ZNF292: variants seen among roughly 807,000 people sequenced by gnomAD.
ZNF292 encodes the protein zinc finger protein 292, also known as 16 zinc-finger domain protein.
In ZNF292, 26 loss-of-function variants were observed where a neutral mutation model predicts 217.9. The ratio of observed to expected loss-of-function variants is 0.12; its 90% CI spans 0.09 to 0.17. The LOEUF (loss-of-function observed/expected upper bound fraction) is 0.17. Ranked by LOEUF, ZNF292 falls within the 10% of genes least tolerant of loss-of-function variation. The probability of loss-of-function intolerance (pLI) is 1.00; values close to 1 mark genes in which losing one functional copy is unlikely to be tolerated. For synonymous variants in ZNF292, 1,257 were observed against 1,124.1 expected (o/e 1.12, Z -2.37); for missense variants, 2,904 against 3,175.2 (o/e 0.91, Z 2.05).
At chr6:87,184,601 CAATA>C (rs1771581232) in intron 1 of ZNF292, among the ~76,000 whole-genome samples, 1 of 151,308 alleles carries the variant, frequency 6.6e-6, no homozygotes, top group African/African-American at 2.4e-5. Context: ...GAGAGAGAAC[CAATA>C]GGATATGTAT....
At chr6:87,234,542 G>C (rs1326989340) in intron 5 of ZNF292, among the ~76,000 whole-genome samples, 2 of 151,188 alleles carry the variant, frequency 1.3e-5, no homozygotes, top group Admixed American at 6.6e-5. Flanking sequence ...CTGGGTGACA[G>C]TGTGAGACTC....
intron 1 of ZNF292, among the ~76,000 whole-genome samples, chr6:87,190,083 T>G (rs1771782622): frequency 6.6e-6 from 1 of 152,220 alleles, no homozygotes; most frequent in South Asian, 2.1e-4. Context: ...CTTTGATATA[T>G]TCCCTAACCT....
intron 5 of ZNF292, among the ~76,000 whole-genome samples, chr6:87,243,010 G>A (rs1472152618): frequency 6.6e-6 from 1 of 152,060 alleles, no homozygotes; most frequent in East Asian, 1.9e-4. Flanking sequence ...CTCATGAATA[G>A]ATACGTAGTT....
chr6:87,264,446 T>C lies in ZNF292; in HGVS notation c.*2645T>C, dbSNP rs1032383641. ...TAGACATATTTTTAAGGCAAATTTTTATCAAGTGAGCAGTCACAGTTGCTG... is the reference window on the plus strand; with the variant it reads ...TAGACATATTTTTAAGGCAAATTTTCATCAAGTGAGCAGTCACAGTTGCTG... On this transcript the variant is annotated 3_prime_UTR_variant, in exon 8 of 8. Transcript: ENST00000369577. Among the ~76,000 whole-genome samples, 2 of 152,264 alleles carry C rather than the reference T, an allele frequency of 1.3e-5. No homozygotes were observed. The highest frequency in any genetic ancestry group is 4.8e-5 in the African/African-American group (2 of 41,466).
chr6:87,202,174 C>T (rs1772118162), intron 1 of ZNF292, among the ~76,000 whole-genome samples: 2 of 152,166 alleles, frequency 1.3e-5, no homozygotes, highest in Non-Finnish European at 2.9e-5. Context: ...AACTTGTCTT[C>T]CACTATCTAT....
intron 1 of ZNF292, among the ~76,000 whole-genome samples, chr6:87,173,082 C>G (rs1368772959): frequency 2.0e-5 from 3 of 151,658 alleles, no homozygotes; most frequent in African/African-American, 7.3e-5. Flanking sequence ...AGTATAAAAC[C>G]TGGAAAGATG....
chr6:87,155,672 G>C lies in ZNF292; in HGVS notation c.81G>C (p.Glu27Asp). 1 of 1,587,182 alleles carries C rather than the reference G, an allele frequency of 6.3e-7. No homozygotes were observed. The highest frequency in any genetic ancestry group is 8.6e-7 in the Non-Finnish European group (1 of 1,168,668). The change falls in exon 1 of 8, where the codon GAG becomes GAC. Residue 27 changes from glutamate (E) to aspartate (D), a missense_variant. Physicochemically the swap from Glu to Asp is conservative, Grantham distance 45. This residue lies in a region of ZNF292 where 66 missense variants were observed against 44.1 expected (regional missense o/e 1.50). Transcript: ENST00000369577. ...GCVAELQRLG[E>D]RLQELELQLR... ...TCGCGGAGCTGCAGCGCCTGGGCGAGCGGCTCCAGGAGCTGGAGCTACAGC... is the reference window on the plus strand; with the variant it reads ...TCGCGGAGCTGCAGCGCCTGGGCGACCGGCTCCAGGAGCTGGAGCTACAGC...
chr6:87,239,291 G>A (rs1452257395), intron 5 of ZNF292, among the ~76,000 whole-genome samples: 12 of 151,482 alleles, frequency 7.9e-5, no homozygotes, highest in East Asian at 2.0e-4. Flanking sequence ...CGGACGGGGC[G>A]CCAGCTGGGC....
chr6:87,245,959 G>A (rs762266752), intron 7 of ZNF292, among the ~76,000 whole-genome samples: 12 of 152,178 alleles, frequency 7.9e-5, no homozygotes, highest in Non-Finnish European at 1.6e-4. Context: ...TAGGCTGGGC[G>A]TGGTGGCTCA....
intron 1 of ZNF292, among the ~76,000 whole-genome samples, chr6:87,169,336 C>G (rs539156017): frequency 6.6e-6 from 1 of 151,980 alleles, no homozygotes; most frequent in African/African-American, 2.4e-5. Context: ...CCACTGCGCC[C>G]AGCCTCCTTT....
intron 3 of ZNF292, among the ~76,000 whole-genome samples, chr6:87,217,386 A>G (rs995222857): frequency 8.5e-5 from 13 of 152,216 alleles, no homozygotes; most frequent in African/African-American, 3.1e-4. Flanking sequence ...TGTTGAAATG[A>G]AAGTGTCTTG....
Position 87,262,403 on chromosome 6 carries a change from A to G in ZNF292, c.*602A>G, listed in dbSNP as rs2127879698. On this transcript the variant is annotated 3_prime_UTR_variant, in exon 8 of 8. Coordinates refer to ENST00000369577, the MANE Select transcript of ZNF292 (RefSeq NM_015021.3). ...CAAGATTACTTTTCACAAAATAGGC[A>G]CATTATATCAACACTTTGCTCTGCT... 6.6e-6 allele frequency: 1 copy of G among 152,190 alleles called. No homozygotes were observed. The highest frequency in any genetic ancestry group is 1.9e-4 in the East Asian group (1 of 5,178). 9.4% of individuals were successfully genotyped at this position (152,190 alleles called of 1,614,324 possible).
intron 5 of ZNF292, among the ~76,000 whole-genome samples, chr6:87,243,060 T>C (rs997180745): frequency 6.8e-6 from 1 of 147,196 alleles, no homozygotes; most frequent in African/African-American, 2.7e-5. Context: ...TGTGTCTCTG[T>C]TGATTCTAAT....
At chr6:87,196,869 A>G (rs754749597) in intron 1 of ZNF292, among the ~76,000 whole-genome samples, 6 of 152,242 alleles carry the variant, frequency 3.9e-5, no homozygotes, top group Admixed American at 6.5e-5. Context: ...ATATTTCATA[A>G]TATAAAAATG....
intron 7 of ZNF292, among the ~76,000 whole-genome samples, chr6:87,251,928 C>T (rs539526774): frequency 1.3e-5 from 2 of 152,162 alleles, no homozygotes; most frequent in South Asian, 4.1e-4. Context: ...AATTTAGTTG[C>T]AGACTGGATT....
rs115629323 is a variant in ZNF292 at position 87,186,851 on chromosome 6, A to G, written c.169-29052A>G. Among the ~76,000 whole-genome samples, 501 of 152,336 alleles carry G rather than the reference A, an allele frequency of 3.3e-3. 2 individuals carry two copies. Among genetic ancestry groups the G allele is most frequent in the African/African-American group, 0.012 (483 of 41,584 alleles). ...TTGCTGCTGTGTCCAGTCTTTTGTT[A>G]TAGTTGTTCCTGTATTCCAGAACTT... On this transcript the variant is annotated intron_variant, in intron 1 of 7. Coordinates refer to ENST00000369577, the MANE Select transcript of ZNF292 (RefSeq NM_015021.3).
chr6:87,202,485 A>T (rs1332834333), intron 1 of ZNF292, among the ~76,000 whole-genome samples: 3 of 152,076 alleles, frequency 2.0e-5, no homozygotes, highest in African/African-American at 7.2e-5. Context: ...TCTGGTTCTT[A>T]CTGCTTTTAT....
At chr6:87,216,657 G>T (rs1032440914) in intron 3 of ZNF292, among the ~76,000 whole-genome samples, 1 of 151,932 alleles carries the variant, frequency 6.6e-6, no homozygotes, top group Non-Finnish European at 1.5e-5. Flanking sequence ...TTTGGATTTA[G>T]AAACAGTTAA....
At chr6:87,219,945 T>C (rs775645694) in intron 4 of ZNF292, among the ~76,000 whole-genome samples, 3 of 152,178 alleles carry the variant, frequency 2.0e-5, no homozygotes, top group Non-Finnish European at 4.4e-5. Flanking sequence ...TTCAGCCTCC[T>C]GAGTAGCTGG....
Sources: allele counts gnomAD v4.1 joint callset (sites outside exome capture counted in the v4.1 genomes callset), GRCh38; gene constraint gnomAD v4.1.1; regional missense constraint gnomAD v4.1.1; transcripts MANE v1.5; gene names NCBI Gene and HGNC (gene_info 2026-07-23, HGNC 2026-07-21).